The following SCNN1B variants were observed in gnomAD, a reference collection of about 807,000 sequenced individuals.
The protein encoded by SCNN1B is sodium channel epithelial 1 subunit beta, also known as epithelial sodium channel subunit beta.
In SCNN1B, 46 loss-of-function variants were observed where a neutral mutation model predicts 65.3. The ratio of observed to expected loss-of-function variants is 0.70; its 90% confidence interval spans 0.56 to 0.90. The LOEUF is 0.90. SCNN1B is among the 40% of genes least tolerant of loss of function. The pLI, the probability that SCNN1B is intolerant of heterozygous loss-of-function variation, is 0.00. For synonymous variants in SCNN1B, 349 were observed against 330.6 expected, an observed-to-expected ratio of 1.06 and a Z score of -0.60; for missense variants, 751 against 830.5, an observed-to-expected ratio of 0.90 and a Z score of 1.18.
At chr16:23,315,529 T>G (rs899934627) in intron 1 of SCNN1B, among the ~76,000 whole-genome samples, 4 of 152,188 alleles carry the variant, frequency 2.6e-5, no homozygotes, top group African/African-American at 9.6e-5. Context: ...GGGAGCCTAG[T>G]GCAGTGGCTC....
In SCNN1B at chr16:23,371,660, C is replaced by G. The variant is rs528081797; in HGVS notation, c.1045-116C>G. 1,024 of 1,045,066 alleles carry G rather than the reference C, an allele frequency of 9.8e-4. 2 individuals are homozygous for G. Among genetic ancestry groups the G allele is most frequent in the Non-Finnish European group, 1.4e-3 (942 of 676,188 alleles). The allele number at this position is 1,045,066 out of a possible 1,614,324, so 64.7% of individuals were successfully genotyped here. A position where few individuals can be genotyped will look rare whatever the true frequency, so the allele number is the denominator to read the frequency against. On this transcript the variant is annotated intron_variant, in intron 6 of 12. Coordinates refer to ENST00000343070, the MANE Select transcript of SCNN1B (RefSeq NM_000336.3). ...CTCTGGCGCCCCCTCTGGCGCCCCCCCTGGCACCTGCAGGGGTCCACAGCC... is the reference window on the plus strand; with the variant it reads ...CTCTGGCGCCCCCTCTGGCGCCCCCGCTGGCACCTGCAGGGGTCCACAGCC...
intron 4 of SCNN1B, chr16:23,358,501 A>AC (rs1962465158): frequency 6.6e-6 from 1 of 152,086 alleles, no homozygotes; most frequent in Non-Finnish European, 1.5e-5. Context: ...AACAATACCT[A>AC]CCCTACATGG....
chr16:23,332,799 C>T (rs932143725), intron 1 of SCNN1B, among the ~76,000 whole-genome samples: 2 of 152,116 alleles, frequency 1.3e-5, no homozygotes, highest in Non-Finnish European at 2.9e-5. Flanking sequence ...TGGCCAGGCA[C>T]AGTGGCTCAT....
intron 1 of SCNN1B, among the ~76,000 whole-genome samples, chr16:23,346,200 C>CTTTTTTTT (rs753802362): frequency 0.019 from 1,475 of 78,014 alleles, 203 homozygotes; most frequent in African/African-American, 0.048. Flanking sequence ...TTTTCCTTTT[C>CTTTTTTTT]TTTTTTTTTT....
chr16:23,303,428 C>T (rs1961127988), intron 1 of SCNN1B, among the ~76,000 whole-genome samples: 1 of 152,106 alleles, frequency 6.6e-6, no homozygotes, highest in Admixed American at 6.5e-5. Context: ...AGTGACCCAA[C>T]CTGCCTACCC....
intron 1 of SCNN1B, among the ~76,000 whole-genome samples, chr16:23,328,264 A>G (rs944129752): frequency 6.6e-5 from 10 of 152,348 alleles, no homozygotes; most frequent in Non-Finnish European, 1.2e-4. Context: ...GAAAACATAT[A>G]TAATTAGTAG....
At chr16:23,296,588 G>T (rs555655369) in intron 2 of SCNN1B, among the ~76,000 whole-genome samples, 1 of 152,088 alleles carries the variant, frequency 6.6e-6, no homozygotes, top group Non-Finnish European at 1.5e-5. Flanking sequence ...AATTTAAAGG[G>T]CTGGGAAATA....
intron 1 of SCNN1B, among the ~76,000 whole-genome samples, chr16:23,328,159 A>G (rs989099609): frequency 7.2e-5 from 11 of 152,172 alleles, no homozygotes; most frequent in African/African-American, 2.7e-4. Context: ...TGAATCTGTC[A>G]CCCCACGCAG....
chr16:23,342,143 TTA>T (rs960179852), intron 1 of SCNN1B, among the ~76,000 whole-genome samples: 1 of 152,240 alleles, frequency 6.6e-6, no homozygotes, highest in African/African-American at 2.4e-5. Flanking sequence ...ATATGGGATA[TTA>T]TTTAGCAATA....
intron 1 of SCNN1B, among the ~76,000 whole-genome samples, chr16:23,339,560 T>TA (rs1407228194): frequency 3.1e-4 from 47 of 151,650 alleles, no homozygotes; most frequent in East Asian, 1.2e-3. Flanking sequence ...CTTAACTTAT[T>TA]TTTATTATTA....
chr16:23,302,432 G>T lies in SCNN1B; in HGVS notation c.-14G>T. On this transcript the variant is annotated 5_prime_UTR_variant, in exon 1 of 13. Transcript: ENST00000343070. Reference sequence around the variant, plus strand: ...CCTCCGTGTCCCCGCTCCGCCGCCCGAGCAGGTATGACGGCGAACCCTGGC... The same window carrying T: ...CCTCCGTGTCCCCGCTCCGCCGCCCTAGCAGGTATGACGGCGAACCCTGGC... The T allele has an allele frequency of 6.4e-6, 1 of 155,762 alleles. No individual in the cohort carries two copies. The highest frequency in any genetic ancestry group is 1.9e-4 in the South Asian group (1 of 5,356). 9.6% of individuals were successfully genotyped at this position (155,762 alleles called of 1,614,324 possible).
rs1962397911 is a variant in SCNN1B, at chr16:23,355,409, G to A, written c.696G>A (p.Gln232=). 2 of 1,614,168 alleles carry A rather than the reference G, an allele frequency of 1.2e-6. No individual in the cohort carries two copies. The highest frequency in any genetic ancestry group is 1.3e-5 in the African/African-American group (1 of 75,028). Residue 232 remains glutamine, a synonymous_variant, in exon 4 of 13, where the codon CAG becomes CAA. Coordinates refer to ENST00000343070, the MANE Select transcript of SCNN1B (RefSeq NM_000336.3). The part of the protein sequence containing the change: ...QATNIFAQVP[Q]QELVEMSYPG... ...CCAACATCTTTGCACAGGTGCCACA[G>A]CAGGAGCTAGTAGAGATGAGCTACC...
chr16:23,361,228 C>T (rs1962547870), intron 4 of SCNN1B, among the ~76,000 whole-genome samples: 1 of 152,172 alleles, frequency 6.6e-6, no homozygotes, highest in Non-Finnish European at 1.5e-5. Context: ...TGCGCCTGGC[C>T]TAGAGAGACT....
At chr16:23,281,989 C>T (rs1013255847) in intron 1 of SCNN1B, among the ~76,000 whole-genome samples, 16 of 151,972 alleles carry the variant, frequency 1.1e-4, no homozygotes, top group Middle Eastern at 6.8e-3. Flanking sequence ...CCCAGGAGTT[C>T]GAGACCAGCC....
chr16:23,348,635 T>A lies in SCNN1B; in HGVS notation c.36T>A (p.His12Gln), dbSNP rs1479378231. 3.7e-6 allele frequency: 6 copies of A among 1,613,396 alleles called. No individual in the cohort carries two copies. Among genetic ancestry groups the A allele is most frequent in the Non-Finnish European group, 5.1e-6 (6 of 1,179,934 alleles). ...HVKKYLLKGL[H>Q]RLQKGPGYTY... is the part of the protein sequence containing the mutation. Reference sequence around the variant, plus strand: ...AGAAGTACCTGCTGAAGGGCCTGCATCGGCTGCAGAAGGGCCCCGGCTACA... The same window carrying A: ...AGAAGTACCTGCTGAAGGGCCTGCAACGGCTGCAGAAGGGCCCCGGCTACA... The change falls in exon 2 of 13, where the codon CAT (histidine) becomes CAA (glutamine). Residue 12 changes from histidine to glutamine, a missense_variant. Physicochemically the swap from His to Gln is conservative, Grantham distance 24. Transcript: ENST00000343070. This position sits in a 1 kb window ranked among gnomAD's most constrained non-coding sequence, Gnocchi z 4.5.
chr16:23,321,060 T>A lies in SCNN1B; in HGVS notation c.-9+18623T>A, dbSNP rs187108620. Among the ~76,000 whole-genome samples the A allele has an allele frequency of 3.3e-5, 5 of 152,318 alleles. No individual in the cohort carries two copies. In the East Asian group the frequency reaches 9.6e-4, roughly 29 times the overall value. ...CCTGGACTTTATTTTATTTTATTTT[T>A]TTGAGACAGAGTCTCGCTCTGTCGC... On this transcript the variant is annotated intron_variant, in intron 1 of 12. Coordinates refer to ENST00000343070, the MANE Select transcript of SCNN1B (RefSeq NM_000336.3).
chr16:23,281,871 A>G (rs1960788809), intron 1 of SCNN1B, among the ~76,000 whole-genome samples: 2 of 152,110 alleles, frequency 1.3e-5, no homozygotes, highest in South Asian at 4.2e-4. Context: ...GTGCTTGTTT[A>G]TATGTGGAAA....
chr16:23,317,587 C>A (rs558989486), intron 1 of SCNN1B, among the ~76,000 whole-genome samples: 3 of 152,194 alleles, frequency 2.0e-5, no homozygotes, highest in African/African-American at 7.2e-5. Context: ...GAGCAGGATC[C>A]TTTTCCAGGC....
rs751024270 is a variant in SCNN1B at position 23,367,859 on chromosome 16, C to A, written c.780C>A (p.Asn260Lys). 2 of 1,612,918 alleles carry A rather than the reference C, an allele frequency of 1.2e-6. No individual in the cohort carries two copies. The highest frequency in any genetic ancestry group is 1.3e-5 in the African/African-American group (1 of 74,918). ...CAGCTGATGCTGTTTCTTTTAGGAA[C>A]TTCACGTCCATCTTCTACCCTCACT... ...LFGAEPCNYRNFTSIFYPHYG... is the reference protein window; with the variant it reads ...LFGAEPCNYRKFTSIFYPHYG... Residue 260 changes from asparagine (N) to lysine (K), a missense_variant, in exon 5 of 13, where the codon AAC (asparagine) becomes AAA (lysine). Transcript: ENST00000343070.
Sources: gnomAD v4.1 joint callset for allele counts (sites outside exome capture counted in the v4.1 genomes callset) on GRCh38, gnomAD v4.1.1 for gene constraint, Gnocchi (gnomAD v3.1) non-coding constraint, MANE v1.5 for transcripts, NCBI Gene and HGNC (gene_info 2026-07-23, HGNC 2026-07-21) for gene names.